The following BANK1 variants were observed in gnomAD, a reference collection of about 807,000 sequenced individuals.
The protein encoded by BANK1 is B cell scaffold protein with ankyrin repeats 1, also known as B-cell scaffold protein with ankyrin repeats.
BANK1 carries 95 observed loss-of-function variants against 94.5 expected under a neutral mutation model. The ratio of observed to expected loss-of-function variants is 1.00; its 90% CI spans 0.85 to 1.19. The LOEUF is 1.19. BANK1 is among the 50% of genes most tolerant of loss of function. BANK1 has a pLI of 0.00. For synonymous variants in BANK1, 334 were observed against 308.4 expected, an observed-to-expected ratio of 1.08 and a Z score of -0.87; for missense variants, 987 against 932.2, an observed-to-expected ratio of 1.06 and a Z score of -0.77.
In BANK1 at chr4:101,971,561, C is replaced by A. The variant is rs577434789; in HGVS notation, c.1207-49953C>A. ...GTTGCCTGTGTTTTGGGGGTCAAAT[C>A]CAAAAAAGTCATTGCCCAAATCAAT... On this transcript the variant is annotated intron_variant, in intron 7 of 16. Transcript: ENST00000322953. Among the ~76,000 whole-genome samples the A allele has an allele frequency of 1.5e-3, 233 of 152,112 alleles. 6 individuals carry two copies. In the South Asian group the frequency reaches 0.035, roughly 23 times the overall value.
intron 7 of BANK1, among the ~76,000 whole-genome samples, chr4:101,933,017 C>T (rs189072392): frequency 1.1e-4 from 16 of 151,472 alleles, no homozygotes; most frequent in Non-Finnish European, 2.1e-4. Flanking sequence ...TATTATCACC[C>T]GGAAAATGTA....
At chr4:101,884,650 C>T (rs747172601) in intron 5 of BANK1, among the ~76,000 whole-genome samples, 13 of 152,088 alleles carry the variant, frequency 8.5e-5, no homozygotes, top group Non-Finnish European at 1.6e-4. Context: ...GTTTAAAAAC[C>T]GCAAACATAA....
At chr4:101,989,750 A>G (rs184190603) in intron 7 of BANK1, among the ~76,000 whole-genome samples, 5 of 152,026 alleles carry the variant, frequency 3.3e-5, no homozygotes, top group African/African-American at 1.2e-4. Context: ...GATTAAATCC[A>G]GGTTATGTAT....
At chr4:101,977,090 G>A (rs1015621410) in intron 7 of BANK1, 3 of 152,120 alleles carry the variant, frequency 2.0e-5, no homozygotes, top group African/African-American at 7.2e-5. Context: ...GTTTCAGTCA[G>A]GATAGGCTAG....
chr4:101,985,041 A>G (rs1366679154), intron 7 of BANK1, among the ~76,000 whole-genome samples: 1 of 152,218 alleles, frequency 6.6e-6, no homozygotes, highest in East Asian at 1.9e-4. Flanking sequence ...TTGATTTACT[A>G]TGAGGAATTG....
At chr4:101,898,469 T>G (rs971541915) in intron 6 of BANK1, among the ~76,000 whole-genome samples, 1 of 152,028 alleles carries the variant, frequency 6.6e-6, no homozygotes, top group African/African-American at 2.4e-5. Context: ...CTTTATTTGG[T>G]GAACTATTTT....
At chr4:102,023,480 A>G (rs1458858464) in intron 8 of BANK1, among the ~76,000 whole-genome samples, 1 of 152,234 alleles carries the variant, frequency 6.6e-6, no homozygotes, top group Non-Finnish European at 1.5e-5. Context: ...TTATAAAGAA[A>G]AATTTCACTT....
At chr4:101,950,060 T>TGTGCGCGC (rs369393040) in intron 7 of BANK1, among the ~76,000 whole-genome samples, 7 of 139,404 alleles carry the variant, frequency 5.0e-5, no homozygotes, top group African/African-American at 1.3e-4. Flanking sequence ...TGTGTGTGTG[T>TGTGCGCGC]GCGCGTGCGC....
At chr4:101,791,417 T>C (rs1724981823) in intron 1 of BANK1, among the ~76,000 whole-genome samples, 1 of 152,200 alleles carries the variant, frequency 6.6e-6, no homozygotes, top group South Asian at 2.1e-4. Context: ...TTGGTAGCCC[T>C]GCTTCTTGGC....
At chr4:102,003,021 A>C (rs1726130852) in intron 7 of BANK1, among the ~76,000 whole-genome samples, 1 of 152,176 alleles carries the variant, frequency 6.6e-6, no homozygotes, top group Admixed American at 6.5e-5. Flanking sequence ...TCGGCCTCCC[A>C]AAGTACTGGG....
chr4:101,961,851 G>A (rs1457669647), intron 7 of BANK1, among the ~76,000 whole-genome samples: 8 of 152,056 alleles, frequency 5.3e-5, no homozygotes, highest in Middle Eastern at 3.2e-3. Flanking sequence ...TTAAGGATGG[G>A]GAGCAAATTA....
chr4:101,987,078 A>C (rs1725532331), intron 7 of BANK1, among the ~76,000 whole-genome samples: 1 of 151,044 alleles, frequency 6.6e-6, no homozygotes, highest in Admixed American at 6.6e-5. Flanking sequence ...AGACAAAAGT[A>C]TGAGGCTGGA....
chr4:101,990,566 A>T (rs948806808), intron 7 of BANK1, among the ~76,000 whole-genome samples: 7 of 152,190 alleles, frequency 4.6e-5, no homozygotes, highest in Non-Finnish European at 2.9e-5. Flanking sequence ...TGAAAGATGG[A>T]GTACATTTTT....
chr4:101,861,005 T>C (rs1727854986), intron 3 of BANK1, among the ~76,000 whole-genome samples: 1 of 152,094 alleles, frequency 6.6e-6, no homozygotes, highest in African/African-American at 2.4e-5. Flanking sequence ...AGAACTGTAC[T>C]AGAAGCGAGG....
intron 11 of BANK1, among the ~76,000 whole-genome samples, chr4:102,059,673 A>G (rs1286037119): frequency 6.6e-6 from 1 of 152,206 alleles, no homozygotes; most frequent in African/African-American, 2.4e-5. Flanking sequence ...TTTGAAAAGG[A>G]AGCATTTCAC....
chr4:101,854,934 C>A, intron 2 of BANK1, 101 bp from the exon 3 acceptor site: 2 of 846,384 alleles, frequency 2.4e-6, no homozygotes, highest in Non-Finnish European at 1.8e-6. Flanking sequence ...TTCGGTTTCC[C>A]GTATATTAAA....
chr4:102,052,113 CTTTTTTTTTTTT>C (rs199811166), intron 11 of BANK1, among the ~76,000 whole-genome samples: 3 of 104,012 alleles, frequency 2.9e-5, no homozygotes, highest in East Asian at 2.6e-4. Context: ...TTCTTTTTTT[CTTTTTTTTTTTT>C]TTTTTTTTTT....
intron 7 of BANK1, among the ~76,000 whole-genome samples, chr4:101,949,287 A>T (rs1411238492): frequency 1.3e-5 from 2 of 152,194 alleles, no homozygotes; most frequent in African/African-American, 4.8e-5. Context: ...AAGCAAAGAT[A>T]TGCAAACTCT....
At chr4:101,933,480 A>G (rs1158655072) in intron 7 of BANK1, among the ~76,000 whole-genome samples, 3 of 151,510 alleles carry the variant, frequency 2.0e-5, no homozygotes, top group Admixed American at 6.6e-5. Context: ...CTGTAGCCTA[A>G]TAAAGGTGAG....
Sources: gnomAD v4.1 joint callset for allele counts (sites outside exome capture counted in the v4.1 genomes callset) on GRCh38, gnomAD v4.1.1 for gene constraint, MANE v1.5 for transcripts, NCBI Gene and HGNC (gene_info 2026-07-23, HGNC 2026-07-21) for gene names.